CLVS1: variants seen among roughly 807,000 people sequenced by gnomAD.
CLVS1 encodes clavesin 1.
In CLVS1, 10 loss-of-function variants were observed where a neutral mutation model predicts 33.1. That is an observed-to-expected ratio of 0.30 (90% CI 0.19 to 0.51). CLVS1 has a LOEUF of 0.51. Among genes scored for constraint, CLVS1 ranks in the 20% least tolerant of loss-of-function variants. The pLI is 0.97. For synonymous variants in CLVS1, 163 were observed against 166.1 expected, an observed-to-expected ratio of 0.98 and a Z score of 0.14; for missense variants, 343 against 433.4, an observed-to-expected ratio of 0.79 and a Z score of 1.85.
chr8:61,328,255 C>A (rs118171524), intron 2 of CLVS1, among the ~76,000 whole-genome samples: 1 of 152,264 alleles, frequency 6.6e-6, no homozygotes, highest in East Asian at 1.9e-4. Context: ...TGGATAGGGA[C>A]ACGTGGCAGA....
At chr8:61,181,918 G>C (rs895366536) in intron 2 of CLVS1, among the ~76,000 whole-genome samples, 1 of 151,814 alleles carries the variant, frequency 6.6e-6, no homozygotes, top group African/African-American at 2.4e-5. Context: ...AGCCAGGATG[G>C]TCTCGATCTC....
At chr8:61,081,619 T>C (rs1805021301) in intron 1 of CLVS1, among the ~76,000 whole-genome samples, 1 of 152,310 alleles carries the variant, frequency 6.6e-6, no homozygotes. Flanking sequence ...ATGTTGGTGA[T>C]GATGTTATAA....
At chr8:61,444,638 C>T (rs1816686423) in intron 3 of CLVS1, among the ~76,000 whole-genome samples, 1 of 152,188 alleles carries the variant, frequency 6.6e-6, no homozygotes, top group African/African-American at 2.4e-5. Context: ...AAACAGGGAG[C>T]ATTCCACACT....
intron 3 of CLVS1, among the ~76,000 whole-genome samples, chr8:61,402,973 A>G (rs1040430851): frequency 6.6e-6 from 1 of 152,226 alleles, no homozygotes; most frequent in Non-Finnish European, 1.5e-5. Flanking sequence ...GCATGTGCAT[A>G]TATAATGCTA....
intron 2 of CLVS1, among the ~76,000 whole-genome samples, chr8:61,279,682 A>G (rs916469372): frequency 2.2e-4 from 34 of 152,230 alleles, no homozygotes; most frequent in African/African-American, 8.2e-4. Flanking sequence ...ACAAGAATGT[A>G]ATTTGAGATA....
intron 2 of CLVS1, among the ~76,000 whole-genome samples, chr8:61,201,352 A>T (rs779035461): frequency 6.6e-6 from 1 of 152,188 alleles, no homozygotes; most frequent in South Asian, 2.1e-4. Context: ...GTTAGTATGA[A>T]GAAGGGGAAA....
chr8:60,995,852 G>T, the CLVS1 span, among the ~76,000 whole-genome samples: 3 of 151,564 alleles, frequency 2.0e-5, no homozygotes, highest in African/African-American at 7.2e-5. Flanking sequence ...ATGAGTTCAT[G>T]TCCTTTGCAG....
At chr8:61,023,963 GTTC>G in the CLVS1 span, among the ~76,000 whole-genome samples, 164 of 152,272 alleles carry the variant, frequency 1.1e-3, no homozygotes, top group African/African-American at 3.5e-3. Flanking sequence ...CGCGCCTCCC[GTTC>G]TTCTTTATAA....
chr8:61,480,780 A>T (rs1005359995), intron 5 of CLVS1, among the ~76,000 whole-genome samples: 12 of 152,124 alleles, frequency 7.9e-5, no homozygotes, highest in African/African-American at 2.9e-4. Context: ...AAGGGTTTTT[A>T]GGTAAGATGA....
intron 5 of CLVS1, among the ~76,000 whole-genome samples, chr8:61,494,739 A>G (rs1804210228): frequency 6.6e-6 from 1 of 152,232 alleles, no homozygotes; most frequent in Non-Finnish European, 1.5e-5. Context: ...AAAAGGTTGT[A>G]TCTCTTGGCT....
chr8:61,200,005 T>C (rs1807695382), intron 2 of CLVS1, among the ~76,000 whole-genome samples: 1 of 152,166 alleles, frequency 6.6e-6, no homozygotes, highest in South Asian at 2.1e-4. Flanking sequence ...ACCTTCTCTT[T>C]AGTAAGTTGT....
chr8:61,082,476 C>T (rs1270698301), intron 1 of CLVS1, among the ~76,000 whole-genome samples: 1 of 149,662 alleles, frequency 6.7e-6, no homozygotes, highest in Non-Finnish European at 1.5e-5. Context: ...AATACCAAAA[C>T]AAAGAAACAA....
At chr8:61,336,668 A>T (rs1357256549) in intron 2 of CLVS1, among the ~76,000 whole-genome samples, 1 of 152,200 alleles carries the variant, frequency 6.6e-6, no homozygotes, top group Non-Finnish European at 1.5e-5. Context: ...AACAACAATA[A>T]CAATAATAAT....
intron 5 of CLVS1, among the ~76,000 whole-genome samples, chr8:61,480,176 C>T (rs531271084): frequency 4.4e-4 from 67 of 152,358 alleles, no homozygotes; most frequent in Non-Finnish European, 7.9e-4. Context: ...GCCCTGCCCC[C>T]AGAGGTGGAG....
rs993393863 is a variant in CLVS1 at position 61,457,791 on chromosome 8, C to T, written c.742-516C>T. On this transcript the variant is annotated intron_variant, in intron 4 of 5. Transcript: ENST00000325897. ...CAAACAAACAAACAAAAACAGAAGTCGGCAGTCAGCAGATACTGAAGAATT... is the reference window on the plus strand; with the variant it reads ...CAAACAAACAAACAAAAACAGAAGTTGGCAGTCAGCAGATACTGAAGAATT... 4.6e-5 allele frequency among the ~76,000 whole-genome samples: 7 copies of T among 152,058 alleles called. No homozygotes were observed. The South Asian group carries it at 6.2e-4, about 14-fold the overall frequency.
chr8:61,214,672 G>A lies in CLVS1; in HGVS notation c.-152+82812G>A, dbSNP rs543363920. Among the ~76,000 whole-genome samples, 35 of 152,338 alleles carry A rather than the reference G, an allele frequency of 2.3e-4. 1 individual carries two copies. Among genetic ancestry groups the A allele is most frequent in the Non-Finnish European group, 3.2e-4 (22 of 68,022 alleles). ...TTTTCTTGCTTAAGCTGCCCAGTTT[G>A]TGGTGATTTGTTATGGCAGCCTTAG... is the stretch of plus-strand genomic sequence containing the variant. On this transcript the variant is annotated intron_variant, in intron 2 of 2. Transcript: ENST00000522621.
rs375323428 is a variant in CLVS1 at position 61,261,669 on chromosome 8, C to T, written c.-151-38008C>T. Among the ~76,000 whole-genome samples, 10 of 152,144 alleles carry T rather than the reference C, an allele frequency of 6.6e-5. No homozygotes were observed. In the East Asian group the frequency reaches 7.7e-4, roughly 12 times the overall value. On this transcript the variant is annotated intron_variant, in intron 2 of 2. Coordinates refer to the CLVS1 transcript ENST00000522621. Reference sequence around the variant, plus strand: ...CTTATAAAAGAGACCCCAAATAGCTCCCTGGTCCCTTCTCATGTTAGAAAC... The same window carrying T: ...CTTATAAAAGAGACCCCAAATAGCTTCCTGGTCCCTTCTCATGTTAGAAAC...
chr8:61,183,430 T>C (rs1279472136), intron 2 of CLVS1, among the ~76,000 whole-genome samples: 3 of 152,256 alleles, frequency 2.0e-5, no homozygotes, highest in Non-Finnish European at 4.4e-5. Flanking sequence ...GATGACATTG[T>C]AAATTTGTCC....
intron 3 of CLVS1, among the ~76,000 whole-genome samples, chr8:61,400,941 T>C (rs942517060): frequency 9.2e-5 from 14 of 152,094 alleles, no homozygotes; most frequent in Admixed American, 7.9e-4. Context: ...TGCCAGTATT[T>C]TGTTGAGGAT....
Sources: allele counts gnomAD v4.1 joint callset (sites outside exome capture counted in the v4.1 genomes callset), GRCh38; gene constraint gnomAD v4.1.1; transcripts MANE v1.5; gene names NCBI Gene and HGNC (gene_info 2026-07-23, HGNC 2026-07-21).